The following GPC5 variants were observed in gnomAD, a reference collection of about 807,000 sequenced individuals.
The protein encoded by GPC5 is glypican-5.
A neutral mutation model predicts 53.9 loss-of-function variants in GPC5; 47 were observed. The observed-to-expected ratio is 0.87, with a 90% CI of 0.69 to 1.11. The LOEUF is 1.11. Among genes scored for constraint, GPC5 ranks in the 50% most tolerant of loss-of-function variants. The pLI, the probability that GPC5 is intolerant of heterozygous loss-of-function variation, is 0.00. For missense variants in GPC5, 748 were observed against 713.1 expected (o/e 1.05, Z -0.56); for synonymous variants, 286 against 263.3 (o/e 1.09, Z -0.84).
intron 7 of GPC5, among the ~76,000 whole-genome samples, chr13:92,680,432 CATAG>C (rs1566360765): frequency 6.6e-6 from 1 of 152,062 alleles, no homozygotes; most frequent in Non-Finnish European, 1.5e-5. Context: ...TATAGTTATA[CATAG>C]ATGTTTTTAT....
chr13:92,601,877 A>G (rs187436844), intron 7 of GPC5, among the ~76,000 whole-genome samples: 6 of 151,694 alleles, frequency 4.0e-5, no homozygotes, highest in Non-Finnish European at 5.9e-5. Context: ...GACATTTTTC[A>G]TAACTTAAGC....
intron 7 of GPC5, among the ~76,000 whole-genome samples, chr13:92,539,177 G>T (rs1881842361): frequency 6.6e-6 from 1 of 150,908 alleles, no homozygotes; most frequent in East Asian, 2.0e-4. Context: ...AATCCTTTGG[G>T]TATATACTCA....
intron 6 of GPC5, among the ~76,000 whole-genome samples, chr13:91,910,166 CT>C (rs375893587): frequency 3.9e-4 from 60 of 152,270 alleles, no homozygotes; most frequent in African/African-American, 1.4e-3. Flanking sequence ...TAAGAATATG[CT>C]CTTTCATAAA....
chr13:92,375,309 A>AT lies in GPC5; in HGVS notation c.1561+230327dup, dbSNP rs570146010. ...AGTAATGTCTTACAGAGTCTCATAG[A>AT]TTTTTTTAAGGCGACTTCCTTGGTG... is the stretch of plus-strand genomic sequence containing the variant. On this transcript the variant is annotated intron_variant, in intron 7 of 7. Coordinates refer to ENST00000377067, the MANE Select transcript of GPC5 (RefSeq NM_004466.6). Among the ~76,000 whole-genome samples, 37 of 152,278 alleles carry AT rather than the reference A, an allele frequency of 2.4e-4. No homozygotes were observed. In the East Asian group the frequency reaches 3.9e-3, roughly 16 times the overall value.
chr13:92,325,126 A>G (rs1211509768), intron 7 of GPC5, among the ~76,000 whole-genome samples: 1 of 151,616 alleles, frequency 6.6e-6, no homozygotes, highest in Non-Finnish European at 1.5e-5. Context: ...ACACACACAC[A>G]CACACGTAGG....
At chr13:91,434,689 G>T (rs563288051) in intron 1 of GPC5, among the ~76,000 whole-genome samples, 19 of 152,150 alleles carry the variant, frequency 1.2e-4, no homozygotes, top group Non-Finnish European at 2.5e-4. Context: ...GGTTGCATAT[G>T]AACTTTAAAG....
In GPC5 at chr13:91,512,426, T is replaced by A. The variant is rs117062262; in HGVS notation, c.325+63504T>A. 4.1e-4 allele frequency among the ~76,000 whole-genome samples: 63 copies of A among 152,350 alleles called. No individual in the cohort carries two copies. In the East Asian group the frequency reaches 0.011, roughly 26 times the overall value. On this transcript the variant is annotated intron_variant, in intron 2 of 7. Transcript: ENST00000377067. ...GGGGATTTTTTCAGCTTTCCTCTCA[T>A]GCTCAGCATTTGTAGAGCAGCTCCT... is the stretch of plus-strand genomic sequence containing the variant.
intron 6 of GPC5, among the ~76,000 whole-genome samples, chr13:92,094,443 C>T (rs1250697127): frequency 7.0e-6 from 1 of 143,306 alleles, no homozygotes; most frequent in Non-Finnish European, 1.5e-5. Context: ...TGGCGTTGAA[C>T]CTGGGAGGCG....
At chr13:91,948,241 A>T (rs1455257533) in intron 6 of GPC5, among the ~76,000 whole-genome samples, 30 of 148,012 alleles carry the variant, frequency 2.0e-4, no homozygotes, top group African/African-American at 6.5e-4. Flanking sequence ...AAAAAAAAAA[A>T]AATAAATAAT....
intron 4 of GPC5, among the ~76,000 whole-genome samples, chr13:91,729,165 A>G (rs1277630649): frequency 1.3e-5 from 2 of 152,186 alleles, no homozygotes; most frequent in Admixed American, 6.5e-5. Context: ...AGTTTTCATA[A>G]TTTTACATGA....
At chr13:92,689,434 T>A (rs1887329658) in intron 7 of GPC5, among the ~76,000 whole-genome samples, 1 of 63,722 alleles carries the variant, frequency 1.6e-5, no homozygotes, top group Non-Finnish European at 3.3e-5. Context: ...TCTTCCTCCA[T>A]CCTTTTATTT....
intron 2 of GPC5, among the ~76,000 whole-genome samples, chr13:91,678,743 T>G (rs1053571574): frequency 7.2e-5 from 11 of 152,002 alleles, no homozygotes; most frequent in African/African-American, 9.7e-5. Context: ...TTTTGTTTTT[T>G]TTTTTGTACA....
chr13:92,309,046 AAAC>A (rs755721241), intron 7 of GPC5, among the ~76,000 whole-genome samples: 2 of 152,124 alleles, frequency 1.3e-5, no homozygotes, highest in East Asian at 3.9e-4. Flanking sequence ...TGAAAAACAA[AAAC>A]AACACTAGCA....
chr13:92,697,621 A>G (rs529978253), intron 7 of GPC5, among the ~76,000 whole-genome samples: 1 of 152,324 alleles, frequency 6.6e-6, no homozygotes, highest in East Asian at 1.9e-4. Context: ...TTCTAAATAT[A>G]CAATCATGTC....
At chr13:91,670,395 T>A (rs1015731395) in intron 2 of GPC5, among the ~76,000 whole-genome samples, 2 of 152,138 alleles carry the variant, frequency 1.3e-5, no homozygotes, top group African/African-American at 4.8e-5. Flanking sequence ...TAAAATATCA[T>A]AAATCTGACA....
intron 7 of GPC5, among the ~76,000 whole-genome samples, chr13:92,808,447 A>AGAGTT (rs1225667208): frequency 6.6e-6 from 1 of 152,114 alleles, no homozygotes; most frequent in Non-Finnish European, 1.5e-5. Context: ...GGTTGTTGTT[A>AGAGTT]GAGTTGTGAT....
intron 2 of GPC5, among the ~76,000 whole-genome samples, chr13:91,632,327 G>T (rs2034178453): frequency 6.6e-6 from 1 of 152,090 alleles, no homozygotes; most frequent in East Asian, 1.9e-4. Context: ...GAGATTTATG[G>T]AATTGGGGAT....
rs139306630 is a variant in GPC5 at position 92,681,849 on chromosome 13, T to C, written c.1562-184433T>C. On this transcript the variant is annotated intron_variant, in intron 7 of 7. Coordinates refer to ENST00000377067, the MANE Select transcript of GPC5 (RefSeq NM_004466.6). ...AGAAAATTTGACTATTCCTTTGTGG[T>C]GGAATTCAGTCTTCACCTCCCCGTG... 4.8e-3 allele frequency among the ~76,000 whole-genome samples: 726 copies of C among 152,326 alleles called. 14 individuals carry two copies. Among genetic ancestry groups the C allele is most frequent in the Admixed American group, 7.8e-3 (119 of 15,290 alleles).
chr13:91,753,856 C>T (rs181244456), intron 4 of GPC5, among the ~76,000 whole-genome samples: 16 of 152,180 alleles, frequency 1.1e-4, no homozygotes, highest in Admixed American at 7.2e-4. Context: ...TTCCTCTGTG[C>T]GCTAAAATTT....
Sources: gnomAD v4.1 joint callset for allele counts (sites outside exome capture counted in the v4.1 genomes callset) on GRCh38, gnomAD v4.1.1 for gene constraint, MANE v1.5 for transcripts, NCBI Gene and HGNC (gene_info 2026-07-23, HGNC 2026-07-21) for gene names.